STXBP5L: variants seen among roughly 807,000 people sequenced by gnomAD.
STXBP5L encodes the protein syntaxin binding protein 5L, also known as syntaxin-binding protein 5-like.
A neutral mutation model predicts 144.5 loss-of-function variants in STXBP5L; 65 were observed. The observed-to-expected ratio is 0.45, with a 90% CI of 0.37 to 0.55. The LOEUF (loss-of-function observed/expected upper bound fraction) is 0.55, where lower values mean the gene tolerates loss of function less well. STXBP5L is among the 20% of genes least tolerant of loss of function. The pLI, the probability that STXBP5L is intolerant of heterozygous loss-of-function variation, is 0.00. For missense variants in STXBP5L, 1,298 were observed against 1,405.5 expected (o/e 0.92, Z 1.22); for synonymous variants, 505 against 469.6 (o/e 1.08, Z -0.97).
At chr3:121,343,811 T>C (rs1015975465) in intron 20 of STXBP5L, among the ~76,000 whole-genome samples, 5 of 152,020 alleles carry the variant, frequency 3.3e-5, no homozygotes, top group Non-Finnish European at 7.3e-5. Context: ...ATCGTGAAAA[T>C]GGCCGTACTG....
chr3:121,337,291 G>A (rs940427453), intron 20 of STXBP5L, among the ~76,000 whole-genome samples: 2 of 151,886 alleles, frequency 1.3e-5, no homozygotes, highest in South Asian at 4.2e-4. Context: ...CCAAATATCA[G>A]CTCTCTTCAA....
At chr3:121,384,470 C>T (rs1303683511) in intron 22 of STXBP5L, among the ~76,000 whole-genome samples, 1 of 151,980 alleles carries the variant, frequency 6.6e-6, no homozygotes, top group Non-Finnish European at 1.5e-5. Flanking sequence ...TCAAGACCAG[C>T]CTGGGCAACA....
intron 5 of STXBP5L, among the ~76,000 whole-genome samples, chr3:121,067,509 A>C (rs979370991): frequency 6.6e-6 from 1 of 152,134 alleles, no homozygotes; most frequent in African/African-American, 2.4e-5. Context: ...AGCTTCTTTG[A>C]CATTTGTTGA....
chr3:121,143,221 G>C lies in STXBP5L; in HGVS notation c.670-9256G>C, dbSNP rs114776783. Among the ~76,000 whole-genome samples, 1,409 of 150,814 alleles carry C rather than the reference G, an allele frequency of 9.3e-3. 15 individuals carry two copies. The highest frequency in any genetic ancestry group is 0.02 in the African/African-American group (816 of 41,164). On this transcript the variant is annotated intron_variant, in intron 7 of 26. Coordinates refer to ENST00000471454, the MANE Select transcript of STXBP5L (RefSeq NM_001308330.2). ...AATTAGTAATGAAAAACCTTTTAAC[G>C]AGGAAAAGCTCAGGATGGCTTCACT...
At chr3:121,074,667 A>G (rs2041948261) in intron 5 of STXBP5L, among the ~76,000 whole-genome samples, 1 of 152,092 alleles carries the variant, frequency 6.6e-6, no homozygotes, top group Admixed American at 6.5e-5. Flanking sequence ...GCATCTTTAT[A>G]AATTTTGCAT....
chr3:121,234,988 G>GTATATA (rs1024073083), intron 12 of STXBP5L, among the ~76,000 whole-genome samples: 1 of 149,170 alleles, frequency 6.7e-6, no homozygotes, highest in Non-Finnish European at 1.5e-5. Context: ...ACTTTCTTCA[G>GTATATA]TATATATATA....
At chr3:120,979,030 C>G (rs948480061) in intron 3 of STXBP5L, among the ~76,000 whole-genome samples, 1 of 152,206 alleles carries the variant, frequency 6.6e-6, no homozygotes, top group African/African-American at 2.4e-5. Flanking sequence ...TCTGCCCGTT[C>G]TCAGATCTCC....
At chr3:121,100,499 G>T (rs1050134892) in intron 5 of STXBP5L, among the ~76,000 whole-genome samples, 2 of 151,980 alleles carry the variant, frequency 1.3e-5, no homozygotes, top group African/African-American at 4.8e-5. Flanking sequence ...TTGACTTTTG[G>T]TAAACAATGA....
At chr3:121,256,439 C>A (rs1343722307) in intron 16 of STXBP5L, among the ~76,000 whole-genome samples, 5 of 151,898 alleles carry the variant, frequency 3.3e-5, no homozygotes, top group African/African-American at 1.2e-4. Context: ...TTTATGCATT[C>A]ATAAAGTATT....
chr3:120,988,402 G>T (rs1229399464), intron 3 of STXBP5L, among the ~76,000 whole-genome samples: 2 of 151,602 alleles, frequency 1.3e-5, no homozygotes, highest in African/African-American at 4.8e-5. Flanking sequence ...CAAGTGTTTG[G>T]AAACCTTCTT....
chr3:121,331,999 C>A (rs888829380), intron 20 of STXBP5L, among the ~76,000 whole-genome samples: 9 of 151,768 alleles, frequency 5.9e-5, no homozygotes, highest in Non-Finnish European at 1.2e-4. Flanking sequence ...AGAGTCTTCA[C>A]CTCTGAAAGC....
chr3:121,157,494 A>C lies in STXBP5L; in HGVS notation c.754-10A>C. On this transcript the variant is annotated splice_polypyrimidine_tract_variant and intron_variant, in intron 8 of 26. Transcript: ENST00000471454. ...TCCCCCTCTACTTGTTTTAATTGTT[A>C]TTTTATTAGGCTATTCATTCAATTG... 1 of 1,561,556 alleles carries C rather than the reference A, an allele frequency of 6.4e-7. No homozygotes were observed. Among genetic ancestry groups the C allele is most frequent in the Non-Finnish European group, 8.6e-7 (1 of 1,162,096 alleles).
At chr3:121,392,747 T>C (rs1309292219) in intron 22 of STXBP5L, among the ~76,000 whole-genome samples, 1 of 144,562 alleles carries the variant, frequency 6.9e-6, no homozygotes, top group Non-Finnish European at 1.5e-5. Context: ...TTCATTTTAT[T>C]ATGACTGAGT....
At chr3:121,051,953 C>G (rs555368351) in intron 5 of STXBP5L, among the ~76,000 whole-genome samples, 1 of 152,146 alleles carries the variant, frequency 6.6e-6, no homozygotes, top group Non-Finnish European at 1.5e-5. Flanking sequence ...TTACAAACAC[C>G]TCTATGGAAA....
chr3:121,089,221 T>C (rs1272076500), intron 5 of STXBP5L, among the ~76,000 whole-genome samples: 1 of 151,560 alleles, frequency 6.6e-6, no homozygotes, highest in Non-Finnish European at 1.5e-5. Context: ...ACTTGATTTT[T>C]AAAAGTTTCT....
At chr3:121,122,149 CT>C (rs1309564196) in intron 7 of STXBP5L, among the ~76,000 whole-genome samples, 1 of 150,704 alleles carries the variant, frequency 6.6e-6, no homozygotes, top group Non-Finnish European at 1.5e-5. Flanking sequence ...TTCTTATTCA[CT>C]TTGATTATTT....
chr3:121,102,178 CAG>C (rs4048822), intron 5 of STXBP5L, among the ~76,000 whole-genome samples: 15,095 of 152,096 alleles, frequency 0.099, 1,173 homozygotes, highest in Admixed American at 0.2. Flanking sequence ...ATCAAACTAC[CAG>C]AGTCATTCTT....
intron 9 of STXBP5L, among the ~76,000 whole-genome samples, chr3:121,165,699 G>A (rs1367985009): frequency 6.6e-6 from 1 of 152,058 alleles, no homozygotes; most frequent in African/African-American, 2.4e-5. Context: ...CTGCTAACAG[G>A]CTTCCTGTCT....
chr3:121,280,729 C>G (rs1385511477), intron 19 of STXBP5L, among the ~76,000 whole-genome samples: 1 of 151,748 alleles, frequency 6.6e-6, no homozygotes, highest in African/African-American at 2.4e-5. Flanking sequence ...CAAAAGGTTG[C>G]AGATGAAAAT....
Sources: gnomAD v4.1 joint callset for allele counts (sites outside exome capture counted in the v4.1 genomes callset) on GRCh38, gnomAD v4.1.1 for gene constraint, MANE v1.5 for transcripts, NCBI Gene and HGNC (gene_info 2026-07-23, HGNC 2026-07-21) for gene names.